Variants in RAB11FIP1 observed in about 807,000 individuals in gnomAD.
The protein encoded by RAB11FIP1 is rab11 family-interacting protein 1.
RAB11FIP1 carries 49 observed loss-of-function variants against 83.1 expected under a neutral mutation model. The ratio of observed to expected loss-of-function variants is 0.59; its 90% CI spans 0.47 to 0.75. The LOEUF (loss-of-function observed/expected upper bound fraction) is 0.75, where lower values mean the gene tolerates loss of function less well. RAB11FIP1 is among the 30% of genes least tolerant of loss of function. The pLI, the probability that RAB11FIP1 is intolerant of heterozygous loss-of-function variation, is 0.00. For synonymous variants in RAB11FIP1, 670 were observed against 656.0 expected (o/e 1.02, Z -0.33); for missense variants, 1,536 against 1,598.7 (o/e 0.96, Z 0.67).
chr8:37,863,596 A>C (rs1360989990), intron 5 of RAB11FIP1, among the ~76,000 whole-genome samples: 1 of 152,198 alleles, frequency 6.6e-6, no homozygotes, highest in Non-Finnish European at 1.5e-5. Context: ...TGACTGATGA[A>C]GTCTTCTGGA....
At chr8:37,887,668 C>A (rs1327888102) in intron 1 of RAB11FIP1, among the ~76,000 whole-genome samples, 1 of 152,018 alleles carries the variant, frequency 6.6e-6, no homozygotes, top group Non-Finnish European at 1.5e-5. Context: ...AGATATTTAA[C>A]CTCTCTGTGG....
In RAB11FIP1 at chr8:37,859,339, C is replaced by T. The variant is rs1806190141; in HGVS notation, c.*3556G>A. ...CCTCTCTCTACAGTATGTGGCTGAG[C>T]ATCATGGACCTTCCTCCCTCTGCCC... On this transcript the variant is annotated 3_prime_UTR_variant, in exon 6 of 6. Coordinates refer to ENST00000330843, the MANE Select transcript of RAB11FIP1 (RefSeq NM_001002814.3). The T allele has an allele frequency of 6.6e-6, 1 of 152,228 alleles. No individual in the cohort carries two copies. The highest frequency in any genetic ancestry group is 6.5e-5 in the Admixed American group (1 of 15,282). 9.4% of individuals were successfully genotyped at this position (152,228 alleles called of 1,614,324 possible). A position where few individuals can be genotyped will look rare whatever the true frequency, so the allele number is the denominator to read the frequency against.
chr8:37,884,653 A>G (rs1273412725), intron 1 of RAB11FIP1, among the ~76,000 whole-genome samples: 3 of 151,804 alleles, frequency 2.0e-5, no homozygotes, highest in African/African-American at 7.3e-5. Context: ...GGTTCAAGCA[A>G]TTCTCATGCC....
rs1806182221 is a variant in RAB11FIP1 at position 37,859,113 on chromosome 8, A to G, written c.*3782T>C. On this transcript the variant is annotated 3_prime_UTR_variant, in exon 6 of 6. Coordinates refer to ENST00000330843, the MANE Select transcript of RAB11FIP1 (RefSeq NM_001002814.3). ...CCTTCAGTTGGAGGAAGAGGGCGTC[A>G]GTTAAGTAGCTCACACAGTAGATAT... 3 of 152,264 alleles carry G rather than the reference A, an allele frequency of 2.0e-5. No individual in the cohort carries two copies. Among genetic ancestry groups the G allele is most frequent in the Non-Finnish European group, 2.9e-5 (2 of 68,040 alleles). The allele number at this position is 152,264 out of a possible 1,614,324, so 9.4% of individuals were successfully genotyped here. A position where few individuals can be genotyped will look rare whatever the true frequency, so the allele number is the denominator to read the frequency against.
chr8:37,870,293 G>T, intron 5 of RAB11FIP1, 127 bp downstream of exon 5: 1 of 532,140 alleles, frequency 1.9e-6, no homozygotes, highest in South Asian at 3.0e-5. Context: ...TTTACTCAAA[G>T]ACTCAAGATG....
At chr8:37,873,570 C>T (rs867834612) in intron 3 of RAB11FIP1, among the ~76,000 whole-genome samples, 2 of 151,892 alleles carry the variant, frequency 1.3e-5, no homozygotes, top group Non-Finnish European at 2.9e-5. Context: ...CGTGCCACTG[C>T]ACTCCAGCCT....
In RAB11FIP1 at chr8:37,871,910, T is replaced by C. The variant is rs1806473623; in HGVS notation, c.2892A>G (p.Glu964=). 2.5e-6 allele frequency: 4 copies of C among 1,614,128 alleles called. No homozygotes were observed. The highest frequency in any genetic ancestry group is 3.4e-6 in the Non-Finnish European group (4 of 1,180,050). The change falls in exon 4 of 6, where the codon GAA becomes GAG. Residue 964 remains glutamate, a synonymous_variant. Coordinates refer to ENST00000330843, the MANE Select transcript of RAB11FIP1 (RefSeq NM_001002814.3). The stretch of plus-strand genomic sequence containing the variant: ...CTATTCTTTCATCATCCGATGCGAC[T>C]TCAGGAATGGAAGGAAGGCTTAAGT... ...DLNLSLPSIP[E]VASDDERIDQ...
At chr8:37,887,207 G>C (rs1343836564) in intron 1 of RAB11FIP1, among the ~76,000 whole-genome samples, 8 of 152,166 alleles carry the variant, frequency 5.3e-5, no homozygotes, top group Admixed American at 5.2e-4. Context: ...TGGAAAGGCT[G>C]TTTGTAGCCA....
intron 5 of RAB11FIP1, among the ~76,000 whole-genome samples, chr8:37,866,511 C>T (rs1806344977): frequency 6.6e-6 from 1 of 152,018 alleles, no homozygotes; most frequent in African/African-American, 2.4e-5. Flanking sequence ...GTGATAATGA[C>T]ATACACTCAA....
chr8:37,872,799 T>C lies in RAB11FIP1; in HGVS notation c.2003A>G (p.Glu668Gly), dbSNP rs147242639. ...ACGGGTCCTGCCCATCAGAGAATCT[T>C]CTGTCCCTTTATTTGCTGGAAAGGA... ...QPSFPANKGT[E>G]DSLMGRTRET... The change falls in exon 4 of 6, where the codon GAA (glutamate) becomes GGA (glycine). Residue 668 changes from glutamate (E) to glycine (G), a missense_variant. Coordinates refer to ENST00000330843, the MANE Select transcript of RAB11FIP1 (RefSeq NM_001002814.3). 2.1e-4 allele frequency: 341 copies of C among 1,614,226 alleles called. No homozygotes were observed. The Middle Eastern group carries it at 6.1e-3, about 29-fold the overall frequency.
chr8:37,899,086 C>A lies in RAB11FIP1; in HGVS notation c.356G>T (p.Gly119Val). The A allele has an allele frequency of 6.6e-7, 1 of 1,512,730 alleles. No homozygotes were observed. The highest frequency in any genetic ancestry group is 8.8e-7 in the Non-Finnish European group (1 of 1,139,678). 93.7% of individuals were successfully genotyped at this position (1,512,730 alleles called of 1,614,324 possible). A position where few individuals can be genotyped will look rare whatever the true frequency, so the allele number is the denominator to read the frequency against. ...VDLRDLHRDQGRRKTQWYKLK... is the reference protein window; with the variant it reads ...VDLRDLHRDQVRRKTQWYKLK... ...CCGCACTCACTGCGTCTTCCTGCGG[C>A]CCTGGTCGCGGTGCAGATCCCGCAG... is the stretch of plus-strand genomic sequence containing the variant. The change falls in exon 1 of 6, where the codon GGC becomes GTC. Residue 119 changes from glycine (G) to valine (V), a missense_variant. Transcript: ENST00000330843. This position sits in a 1 kb window ranked among gnomAD's most constrained non-coding sequence, Gnocchi z 4.5.
At chr8:37,865,315 C>CT (rs11407439) in intron 5 of RAB11FIP1, among the ~76,000 whole-genome samples, 102,729 of 142,880 alleles carry the variant, frequency 0.72, 36,845 homozygotes, top group East Asian at 0.96. Flanking sequence ...TCCTGGGATT[C>CT]TTTTTTTTTT....
In RAB11FIP1 at chr8:37,873,183, C is replaced by CAAAAAAAAAAA; in HGVS notation, c.1623-5_1623-4insTTTTTTTTTTT. On this transcript the variant is annotated splice_polypyrimidine_tract_variant and splice_region_variant and intron_variant, in intron 3 of 5. Coordinates refer to ENST00000330843, the MANE Select transcript of RAB11FIP1 (RefSeq NM_001002814.3). The stretch of plus-strand genomic sequence containing the variant: ...CGCCTCTGGAGACACTTCCAGTCTG[C>CAAAAAAAAAAA]AAAAAGGACAAAATAAAATCTGCAG... The CAAAAAAAAAAA allele has an allele frequency of 6.4e-7, 1 of 1,563,742 alleles. No individual in the cohort carries two copies. The highest frequency in any genetic ancestry group is 1.9e-5 in the Admixed American group (1 of 51,730).
intron 5 of RAB11FIP1, among the ~76,000 whole-genome samples, chr8:37,864,416 G>T (rs1278314986): frequency 6.6e-6 from 1 of 152,258 alleles, no homozygotes; most frequent in Non-Finnish European, 1.5e-5. Flanking sequence ...AGATGATTTT[G>T]CTGGCAGAGC....
intron 5 of RAB11FIP1, among the ~76,000 whole-genome samples, chr8:37,864,898 T>C (rs760610416): frequency 4.0e-5 from 6 of 151,692 alleles, no homozygotes; most frequent in East Asian, 1.9e-4. Context: ...GCCCTAGCGA[T>C]TGATTACACA....
At chr8:37,888,899 G>A (rs1209792954) in intron 1 of RAB11FIP1, among the ~76,000 whole-genome samples, 3 of 144,736 alleles carry the variant, frequency 2.1e-5, no homozygotes, top group African/African-American at 7.7e-5. Flanking sequence ...CTGGGTTCAC[G>A]CCATTCTCCT....
intron 1 of RAB11FIP1, among the ~76,000 whole-genome samples, chr8:37,890,587 C>A (rs1037224934): frequency 3.3e-5 from 5 of 152,110 alleles, no homozygotes; most frequent in African/African-American, 7.2e-5. Flanking sequence ...GTGGTGAAAA[C>A]TGCCTCCTTT....
chr8:37,892,038 G>A (rs1416589566), intron 1 of RAB11FIP1, among the ~76,000 whole-genome samples: 1 of 152,142 alleles, frequency 6.6e-6, no homozygotes, highest in African/African-American at 2.4e-5. Flanking sequence ...TTGTAATGGT[G>A]ACCTCACCCT....
At chr8:37,881,758 G>A (rs1216208587) in intron 1 of RAB11FIP1, among the ~76,000 whole-genome samples, 1 of 151,990 alleles carries the variant, frequency 6.6e-6, no homozygotes, top group Non-Finnish European at 1.5e-5. Context: ...GTGCAGTGGT[G>A]CGATCATAGC....
Sources: allele counts gnomAD v4.1 joint callset (sites outside exome capture counted in the v4.1 genomes callset), GRCh38; gene constraint gnomAD v4.1.1; non-coding constraint Gnocchi (gnomAD v3.1); transcripts MANE v1.5; gene names NCBI Gene and HGNC (gene_info 2026-07-23, HGNC 2026-07-21).